The following SRRM2 variants were observed in gnomAD, a reference collection of about 807,000 sequenced individuals.
SRRM2 encodes the protein serine/arginine repetitive matrix 2.
Under a neutral mutation model 213.8 loss-of-function variants are expected in SRRM2, and 30 were observed. The observed-to-expected ratio is 0.14, with a 90% CI of 0.10 to 0.19. SRRM2 has a LOEUF of 0.19. Among genes scored for constraint, SRRM2 ranks in the 10% least tolerant of loss-of-function variants. The pLI is 1.00. For missense variants in SRRM2, 4,904 were observed against 3,647.0 expected, an observed-to-expected ratio of 1.34 and a Z score of -8.88; for synonymous variants, 2,025 against 1,377.7, an observed-to-expected ratio of 1.47 and a Z score of -10.40.
rs780119053 is a variant in SRRM2 at position 2,761,719 on chromosome 16, C to G, written c.1191C>G (p.Ala397=). ...AGCCAGTGAACCCCCCATCTGAGGC[C>G]TCTCCAACTCGGGACCGTTCACCAC... ...SQEPVNPPSE[A]SPTRDRSPPK... Residue 397 remains alanine, a synonymous_variant, in exon 11 of 15, where the codon GCC becomes GCG. Transcript: ENST00000301740. 1 of 1,608,106 alleles carries G rather than the reference C, an allele frequency of 6.2e-7. No homozygotes were observed. Among genetic ancestry groups the G allele is most frequent in the South Asian group, 1.1e-5 (1 of 90,186 alleles).
rs1216760428 is a variant in SRRM2, at chr16:2,767,769, C to T, written c.7241C>T (p.Pro2414Leu). ...RARSRTPPSAPSQSRMTSERA... is the reference protein window; with the variant it reads ...RARSRTPPSALSQSRMTSERA... The stretch of plus-strand genomic sequence containing the variant: ...AGGTCCAGAACACCACCGTCTGCCC[C>T]AAGCCAATCTAGGATGACCTCTGAA... Residue 2414 changes from proline (P) to leucine (L), a missense_variant, in exon 11 of 15, where the codon CCA becomes CTA. Physicochemically the swap from Pro to Leu is moderately conservative, Grantham distance 98 (BLOSUM62 -3). Transcript: ENST00000301740. 1 of 1,613,944 alleles carries T rather than the reference C, an allele frequency of 6.2e-7. No individual in the cohort carries two copies. The highest frequency in any genetic ancestry group is 8.5e-7 in the Non-Finnish European group (1 of 1,179,968).
In SRRM2 at chr16:2,771,317, C is replaced by T. The variant is rs746481039; in HGVS notation, c.*450C>T. The T allele has an allele frequency of 2.3e-6, 3 of 1,282,434 alleles. 1 individual carries two copies. Among genetic ancestry groups the T allele is most frequent in the South Asian group, 2.4e-5 (2 of 83,292 alleles). 79.4% of individuals were successfully genotyped at this position (1,282,434 alleles called of 1,614,324 possible). ...CCCCATGAGGTTGTGAACCCCTCCC[C>T]CCAACTTTTCATGTTTCTTAAAGGC... On this transcript the variant is annotated 3_prime_UTR_variant, in exon 15 of 15. Transcript: ENST00000301740.
intron 2 of SRRM2, 115 bp downstream of exon 2, chr16:2,756,721 A>G (rs999195856): frequency 7.9e-5 from 111 of 1,407,516 alleles, no homozygotes; most frequent in Non-Finnish European, 1.0e-4. Context: ...GAGTTGTGGT[A>G]GGGGAGGAGG....
rs777907563 is a variant in SRRM2 at position 2,767,744 on chromosome 16, A to G, written c.7216A>G (p.Arg2406Gly). ...RTSPPLLDRA[R>G]SRTPPSAPSQ... is the part of the protein sequence containing the mutation. ...CTCACCACCGCTCCTTGACCGAGCTAGGTCCAGAACACCACCGTCTGCCCC... is the reference window on the plus strand; with the variant it reads ...CTCACCACCGCTCCTTGACCGAGCTGGGTCCAGAACACCACCGTCTGCCCC... Residue 2406 changes from arginine (R) to glycine (G), a missense_variant, in exon 11 of 15, where the codon AGG (arginine) becomes GGG (glycine). By Grantham distance (125) the Arg-to-Gly change is moderately radical. Coordinates refer to ENST00000301740, the MANE Select transcript of SRRM2 (RefSeq NM_016333.4). 7 of 1,613,718 alleles carry G rather than the reference A, an allele frequency of 4.3e-6. No homozygotes were observed. In the South Asian group the frequency reaches 7.7e-5, roughly 18 times the overall value.
Position 2,762,729 on chromosome 16 carries a change from C to A in SRRM2, c.2201C>A (p.Ser734Tyr), listed in dbSNP as rs199751016. Residue 734 changes from serine (S) to tyrosine (Y), a missense_variant, in exon 11 of 15, where the codon TCC becomes TAC. By Grantham distance (144) the Ser-to-Tyr change is moderately radical (BLOSUM62 -2). Coordinates refer to ENST00000301740, the MANE Select transcript of SRRM2 (RefSeq NM_016333.4). ...SGSSSERKNKSRTSQRRSRSN... is the reference protein window; with the variant it reads ...SGSSSERKNKYRTSQRRSRSN... ...TCATCTTCAGAGCGGAAAAACAAAT[C>A]CAGAACATCTCAAAGAAGAAGCAGG... is the stretch of plus-strand genomic sequence containing the variant. 9.3e-6 allele frequency: 15 copies of A among 1,614,042 alleles called. No individual in the cohort carries two copies. In the East Asian group the frequency reaches 1.8e-4, roughly 19 times the overall value.
chr16:2,762,332 C>G lies in SRRM2; in HGVS notation c.1804C>G (p.Arg602Gly), dbSNP rs745594673. Residue 602 changes from arginine to glycine, a missense_variant, in exon 11 of 15, where the codon CGT becomes GGT. By Grantham distance (125) the Arg-to-Gly change is moderately radical. Transcript: ENST00000301740. ...RRSRSRTPTR[R>G]RSRSRTPARR... Reference sequence around the variant, plus strand: ...ATCACGATCCAGAACTCCCACCAGGCGTAGGTCTCGGTCTAGAACACCAGC... The same window carrying G: ...ATCACGATCCAGAACTCCCACCAGGGGTAGGTCTCGGTCTAGAACACCAGC... 1.2e-6 allele frequency: 2 copies of G among 1,611,892 alleles called. No homozygotes were observed.
chr16:2,770,271 A>C (rs1403053655), intron 12 of SRRM2, 81 bp from the exon 13 acceptor site: 2 of 1,478,664 alleles, frequency 1.4e-6, no homozygotes, highest in African/African-American at 2.8e-5. Context: ...TTTGGTGGTC[A>C]GGACCTGGGC....
rs759554478 is a variant in SRRM2, at chr16:2,765,098, G to C, written c.4570G>C (p.Asp1524His). The C allele has an allele frequency of 2.5e-6, 4 of 1,614,064 alleles. No homozygotes were observed. The highest frequency in any genetic ancestry group is 1.7e-5 in the Admixed American group (1 of 60,014). ...RERSGSESSV[D>H]QKTVARTPLG... ...AAGAAGCGGGTCAGAATCATCAGTT[G>C]ATCAGAAAACTGTGGCTCGGACTCC... Residue 1524 changes from aspartate (D) to histidine (H), a missense_variant, in exon 11 of 15, where the codon GAT becomes CAT. By Grantham distance (81) the Asp-to-His change is moderately conservative. Transcript: ENST00000301740.
intron 9 of SRRM2, 127 bp from the exon 10 acceptor site, chr16:2,760,174 C>T (rs947508652): frequency 2.5e-5 from 22 of 882,322 alleles, no homozygotes; most frequent in African/African-American, 8.4e-5. Context: ...TTGAGTTGTG[C>T]GACTAAAGGC....
rs2068485893 is a variant in SRRM2 at position 2,764,889 on chromosome 16, C to T, written c.4361C>T (p.Pro1454Leu). ...SPGLRDGSGT[P>L]SRHSLSGSSP... ...GGACTTAGAGATGGGTCTGGGACTC[C>T]CTCGAGGCACAGCCTGTCTGGGTCC... Residue 1454 changes from proline to leucine, a missense_variant, in exon 11 of 15, where the codon CCC (proline) becomes CTC (leucine). Coordinates refer to ENST00000301740, the MANE Select transcript of SRRM2 (RefSeq NM_016333.4). The T allele has an allele frequency of 1.2e-6, 2 of 1,614,060 alleles. No individual in the cohort carries two copies. Among genetic ancestry groups the T allele is most frequent in the Admixed American group, 1.7e-5 (1 of 60,002 alleles).
intron 4 of SRRM2, 49 bp from the exon 5 acceptor site, chr16:2,758,421 G>GGAAT: frequency 7.0e-7 from 1 of 1,433,848 alleles, no homozygotes; most frequent in Non-Finnish European, 9.8e-7. Flanking sequence ...AGAAAAGAAA[G>GGAAT]GAATGTTTGT....
rs775685136 is a variant in SRRM2 at position 2,764,769 on chromosome 16, C to T, written c.4241C>T (p.Pro1414Leu). The stretch of plus-strand genomic sequence containing the variant: ...GTGCTTGATGCTGTACCCAGAACAC[C>T]CTCGAGAGAAAGAAGTAGTTCTGCA... ...SPVLDAVPRT[P>L]SRERSSSASS... The change falls in exon 11 of 15, where the codon CCC becomes CTC. Residue 1414 changes from proline to leucine, a missense_variant. By Grantham distance (98) the Pro-to-Leu change is moderately conservative. Coordinates refer to ENST00000301740, the MANE Select transcript of SRRM2 (RefSeq NM_016333.4). 5.6e-6 allele frequency: 9 copies of T among 1,614,008 alleles called. No homozygotes were observed. The highest frequency in any genetic ancestry group is 1.7e-5 in the Admixed American group (1 of 60,004).
Position 2,766,785 on chromosome 16 carries a change from A to T in SRRM2, c.6257A>T (p.Asp2086Val), listed in dbSNP as rs1201981513. ...RRRSASGSSS[D>V]RSRSATPPAT... ...CGTTCTGCATCTGGAAGTAGTTCTG[A>T]TCGTTCACGATCTGCTACTCCTCCA... Residue 2086 changes from aspartate (D) to valine (V), a missense_variant, in exon 11 of 15, where the codon GAT becomes GTT. Transcript: ENST00000301740. The surrounding 1 kb of genome is among the most constrained non-coding windows in gnomAD (Gnocchi z 7.0). The T allele has an allele frequency of 1.2e-6, 2 of 1,614,012 alleles. No individual in the cohort carries two copies. Among genetic ancestry groups the T allele is most frequent in the African/African-American group, 2.7e-5 (2 of 74,910 alleles).
chr16:2,755,097 C>G (rs956527299), intron 1 of SRRM2, among the ~76,000 whole-genome samples: 1 of 152,140 alleles, frequency 6.6e-6, no homozygotes, highest in African/African-American at 2.4e-5. Context: ...AGTATTTTCT[C>G]ATATATGCAT....
At position 2,765,608 on chromosome 16, in the gene SRRM2, T is replaced by C. The variant is rs564652127; in HGVS notation, c.5080T>C (p.Ser1694Pro). 4.3e-6 allele frequency: 7 copies of C among 1,614,016 alleles called. No individual in the cohort carries two copies. The South Asian group carries it at 7.7e-5, about 18-fold the overall frequency. Residue 1694 changes from serine (S) to proline (P), a missense_variant, in exon 11 of 15, where the codon TCT (serine) becomes CCT (proline). Physicochemically the swap from Ser to Pro is moderately conservative, Grantham distance 74. Transcript: ENST00000301740. ...TPPRRRSSRSSPELTRKARLS... is the reference protein window; with the variant it reads ...TPPRRRSSRSPPELTRKARLS... ...ACCTCGACGTCGCAGCTCTCGATCA[T>C]CTCCGGAGCTAACAAGGAAGGCCAG...
Position 2,767,573 on chromosome 16 carries a change from C to A in SRRM2, c.7045C>A (p.Pro2349Thr). 1 of 1,614,222 alleles carries A rather than the reference C, an allele frequency of 6.2e-7. No individual in the cohort carries two copies. Among genetic ancestry groups the A allele is most frequent in the Non-Finnish European group, 8.5e-7 (1 of 1,180,034 alleles). ...VGPRSAHATA[P>T]VNIAGSRTAA... Reference sequence around the variant, plus strand: ...TCCTCGGTCTGCACATGCCACAGCTCCTGTGAATATTGCCGGCTCCAGAAC... The same window carrying A: ...TCCTCGGTCTGCACATGCCACAGCTACTGTGAATATTGCCGGCTCCAGAAC... Residue 2349 changes from proline (P) to threonine (T), a missense_variant, in exon 11 of 15, where the codon CCT becomes ACT. Transcript: ENST00000301740.
rs761301675 is a variant in SRRM2, at chr16:2,763,679, G to T, written c.3151G>T (p.Gly1051Cys). ...SSTPPGESYF[G>C]VSSLQLKGQS... is the part of the protein sequence containing the mutation. ...CACACCACCAGGCGAGAGCTATTTT[G>T]GTGTCTCATCTCTGCAACTGAAAGG... The change falls in exon 11 of 15, where the codon GGT becomes TGT. Residue 1051 changes from glycine (G) to cysteine (C), a missense_variant. Physicochemically the swap from Gly to Cys is radical, Grantham distance 159. Transcript: ENST00000301740. 1 of 1,614,148 alleles carries T rather than the reference G, an allele frequency of 6.2e-7. No homozygotes were observed. The highest frequency in any genetic ancestry group is 2.2e-5 in the East Asian group (1 of 44,886).
rs1035145685 is a variant in SRRM2 at position 2,762,951 on chromosome 16, C to A, written c.2423C>A (p.Ser808Tyr). The A allele has an allele frequency of 2.5e-6, 4 of 1,610,334 alleles. No individual in the cohort carries two copies. In the African/African-American group the frequency reaches 4.0e-5, roughly 16 times the overall value. Residue 808 changes from serine to tyrosine, a missense_variant, in exon 11 of 15, where the codon TCT becomes TAT. Ser to Tyr is a moderately radical substitution (Grantham distance 144). Transcript: ENST00000301740. Reference sequence around the variant, plus strand: ...GGATCCTCCCAACCTAAAGCTAAATCTAGAACGCCACCCAGACGCAGTCGC... The same window carrying A: ...GGATCCTCCCAACCTAAAGCTAAATATAGAACGCCACCCAGACGCAGTCGC... ...RSGSSQPKAKSRTPPRRSRSS... is the reference protein window; with the variant it reads ...RSGSSQPKAKYRTPPRRSRSS...
intron 2 of SRRM2, among the ~76,000 whole-genome samples, chr16:2,757,122 C>T (rs2068171074): frequency 6.6e-6 from 1 of 152,156 alleles, no homozygotes; most frequent in African/African-American, 2.4e-5. Context: ...TGGTTTTAAA[C>T]TTCAGCAATG....
Sources: allele counts gnomAD v4.1 joint callset (sites outside exome capture counted in the v4.1 genomes callset), GRCh38; gene constraint gnomAD v4.1.1; non-coding constraint Gnocchi (gnomAD v3.1); transcripts MANE v1.5; gene names NCBI Gene and HGNC (gene_info 2026-07-23, HGNC 2026-07-21).